Variants in KLRG1 observed in about 807,000 individuals in gnomAD.
KLRG1 encodes the protein killer cell lectin like receptor G1.
In KLRG1, 16 loss-of-function variants were observed where a neutral mutation model predicts 21.8. That is an observed-to-expected ratio of 0.73 (90% CI 0.50 to 1.11). The LOEUF is 1.11. KLRG1 is among the 50% of genes most tolerant of loss of function. The probability of loss-of-function intolerance (pLI) is 0.00; values close to 1 mark genes in which losing one functional copy is unlikely to be tolerated. For synonymous variants in KLRG1, 69 were observed against 75.9 expected (o/e 0.91, Z 0.47); for missense variants, 173 against 218.3 (o/e 0.79, Z 1.31).
chr12:8,973,526 G>C (rs2137261659), intron 1 of KLRG1, among the ~76,000 whole-genome samples: 2 of 152,294 alleles, frequency 1.3e-5, no homozygotes, highest in South Asian at 4.1e-4. Flanking sequence ...AACAGAGACT[G>C]GGCCTTCATC....
chr12:8,951,193 T>C (rs1202011859), intron 1 of KLRG1, among the ~76,000 whole-genome samples: 1 of 152,104 alleles, frequency 6.6e-6, no homozygotes, highest in Non-Finnish European at 1.5e-5. Flanking sequence ...AATGTATCAG[T>C]CCCACACTGT....
chr12:9,039,208 T>G, the KLRG1 span, among the ~76,000 whole-genome samples: 35 of 152,360 alleles, frequency 2.3e-4, no homozygotes, highest in African/African-American at 8.4e-4. Context: ...CGCCTCCGCG[T>G]CTATTCTCTT....
intron 1 of KLRG1, among the ~76,000 whole-genome samples, chr12:8,950,934 C>T (rs1946190004): frequency 6.6e-6 from 1 of 151,942 alleles, no homozygotes; most frequent in Non-Finnish European, 1.5e-5. Flanking sequence ...TCAAGCACTA[C>T]GCTTTACCGA....
the KLRG1 span, among the ~76,000 whole-genome samples, chr12:9,146,910 A>G: frequency 4.1e-4 from 8 of 19,750 alleles, no homozygotes; most frequent in Admixed American, 6.2e-3. Context: ...ATTGGATGCA[A>G]AGATCAACTC....
At chr12:9,198,740 C>G in the KLRG1 span, among the ~76,000 whole-genome samples, 1 of 152,150 alleles carries the variant, frequency 6.6e-6, no homozygotes, top group African/African-American at 2.4e-5. Context: ...GCAAATGGCT[C>G]TGAAATTACT....
intron 2 of KLRG1, among the ~76,000 whole-genome samples, chr12:8,994,334 G>T (rs1947066513): frequency 6.6e-6 from 1 of 152,054 alleles, no homozygotes; most frequent in Admixed American, 6.6e-5. Flanking sequence ...CCAAAGTGCT[G>T]GGATTACAAG....
the KLRG1 span, among the ~76,000 whole-genome samples, chr12:9,190,908 T>C: frequency 0.018 from 2,790 of 152,216 alleles, 84 homozygotes; most frequent in African/African-American, 0.063. Context: ...TGAATAAAAT[T>C]TGTTCTTTTA....
chr12:9,003,778 G>A (rs1947377015), intron 3 of KLRG1, among the ~76,000 whole-genome samples: 1 of 150,824 alleles, frequency 6.6e-6, no homozygotes, highest in Admixed American at 6.6e-5. Flanking sequence ...ATGTATACAT[G>A]TGCCATGCTG....
the KLRG1 span, chr12:9,127,981 C>A: frequency 3.2e-6 from 1 of 309,234 alleles, no homozygotes; most frequent in South Asian, 3.2e-5. Context: ...CGCCTGGCTG[C>A]AGATCACTTC....
At chr12:9,201,021 T>G in the KLRG1 span, 1 of 1,613,978 alleles carries the variant, frequency 6.2e-7, no homozygotes, top group Non-Finnish European at 8.5e-7. Flanking sequence ...GCTTCTAGCT[T>G]GAGACTCTGC....
chr12:9,090,601 A>G, the KLRG1 span: 1 of 1,014,492 alleles, frequency 9.9e-7, no homozygotes, highest in Non-Finnish European at 1.4e-6. Flanking sequence ...TAAAGATGAT[A>G]TAAATGAAGA....
At chr12:9,014,787 A>AT (rs980987662), downstream of KLRG1, among the ~76,000 whole-genome samples, 9 of 151,746 alleles carry the variant, frequency 5.9e-5, no homozygotes, top group African/African-American at 9.7e-5. Flanking sequence ...CAAAAAAAAA[A>AT]AACTACCACA....
intron 1 of KLRG1, among the ~76,000 whole-genome samples, chr12:8,962,118 ATC>A (rs1459172973): frequency 1.3e-5 from 2 of 152,072 alleles, no homozygotes; most frequent in Non-Finnish European, 2.9e-5. Flanking sequence ...GGTAAATGTG[ATC>A]TATAACAAGG....
chr12:9,165,918 T>G, the KLRG1 span: 3 of 1,097,476 alleles, frequency 2.7e-6, no homozygotes, highest in African/African-American at 4.7e-5. Context: ...CGCATTTTAC[T>G]TAGGTCTATC....
the KLRG1 span, among the ~76,000 whole-genome samples, chr12:9,043,963 G>A: frequency 6.6e-6 from 1 of 152,202 alleles, no homozygotes; most frequent in African/African-American, 2.4e-5. Flanking sequence ...GAGTCTCCAC[G>A]TGACTCCAAT....
At chr12:9,070,979 T>C in the KLRG1 span, among the ~76,000 whole-genome samples, 5 of 152,086 alleles carry the variant, frequency 3.3e-5, no homozygotes, top group Non-Finnish European at 5.9e-5. Flanking sequence ...CACCACCACG[T>C]CCGACTAATT....
At chr12:9,193,160 G>C in the KLRG1 span, among the ~76,000 whole-genome samples, 2 of 152,124 alleles carry the variant, frequency 1.3e-5, no homozygotes, top group Non-Finnish European at 2.9e-5. Context: ...GTAATCCTTA[G>C]TAAATTAGCA....
chr12:9,020,046 T>TAC, the KLRG1 span, among the ~76,000 whole-genome samples: 7 of 137,810 alleles, frequency 5.1e-5, no homozygotes, highest in Admixed American at 7.5e-5. Flanking sequence ...ATTCTTTGTA[T>TAC]ACATATATAT....
the KLRG1 span, among the ~76,000 whole-genome samples, chr12:9,198,711 T>C: frequency 6.6e-6 from 1 of 152,188 alleles, no homozygotes; most frequent in Admixed American, 6.5e-5. Context: ...GTTTTGGACA[T>C]TGGTTTTCTT....
Sources: allele counts gnomAD v4.1 joint callset (sites outside exome capture counted in the v4.1 genomes callset), GRCh38; gene constraint gnomAD v4.1.1; transcripts MANE v1.5; gene names NCBI Gene and HGNC (gene_info 2026-07-23, HGNC 2026-07-21).